The following EHMT1 variants were observed in gnomAD, a reference collection of about 807,000 sequenced individuals.
EHMT1 encodes the protein histone-lysine N-methyltransferase EHMT1.
A neutral mutation model predicts 147.2 loss-of-function variants in EHMT1; 15 were observed. The observed-to-expected ratio is 0.10, with a 90% CI of 0.07 to 0.16. The LOEUF (loss-of-function observed/expected upper bound fraction) is 0.16. Ranked by LOEUF, EHMT1 falls within the 10% of genes least tolerant of loss-of-function variation. EHMT1 has a pLI of 1.00. For synonymous variants in EHMT1, 795 were observed against 709.6 expected (o/e 1.12, Z -1.91); for missense variants, 1,587 against 1,772.4 (o/e 0.90, Z 1.88).
At chr9:137,634,786 T>C (rs1434517034) in intron 1 of EHMT1, among the ~76,000 whole-genome samples, 1 of 148,448 alleles carries the variant, frequency 6.7e-6, no homozygotes, top group South Asian at 2.2e-4. Flanking sequence ...CACTGCAACC[T>C]CTGCCTTCCA....
At chr9:137,663,010 T>G (rs1045317676) in intron 1 of EHMT1, among the ~76,000 whole-genome samples, 6 of 151,958 alleles carry the variant, frequency 3.9e-5, no homozygotes, top group Non-Finnish European at 8.8e-5. Flanking sequence ...GCCAGGCTGG[T>G]CTCGAACTCC....
At chr9:137,821,519 A>G (rs1367611122) in intron 25 of EHMT1, among the ~76,000 whole-genome samples, 1 of 151,608 alleles carries the variant, frequency 6.6e-6, no homozygotes, top group Admixed American at 6.6e-5. Flanking sequence ...TTTTATAGAG[A>G]TGGAATCTCA....
chr9:137,694,742 G>A (rs1943256160), intron 1 of EHMT1, among the ~76,000 whole-genome samples: 1 of 152,226 alleles, frequency 6.6e-6, no homozygotes, highest in Non-Finnish European at 1.5e-5. Flanking sequence ...GTTAGCAGGA[G>A]GCTGGCGAGC....
chr9:137,623,500 C>T (rs141456843), intron 1 of EHMT1, among the ~76,000 whole-genome samples: 1,587 of 152,020 alleles, frequency 0.01, 21 homozygotes, highest in African/African-American at 0.036. Context: ...CTGCAGCCTC[C>T]GCCTCCTGGG....
At chr9:137,728,321 A>T (rs762106111) in intron 3 of EHMT1, 28 bp from the exon 4 acceptor site, 1 of 1,613,978 alleles carries the variant, frequency 6.2e-7, no homozygotes, top group Non-Finnish European at 8.5e-7. Flanking sequence ...TTATGCAGTT[A>T]TAGTTATTCA....
At chr9:137,715,419 C>A in intron 2 of EHMT1, 1 of 397,790 alleles carries the variant, frequency 2.5e-6, no homozygotes, top group Non-Finnish European at 3.4e-6. Context: ...GGTAAACAGA[C>A]AGGGCATTTG....
intron 18 of EHMT1, among the ~76,000 whole-genome samples, chr9:137,801,449 G>A (rs1953481188): frequency 6.6e-6 from 1 of 152,170 alleles, no homozygotes; most frequent in Non-Finnish European, 1.5e-5. Flanking sequence ...CGCCTCCCCA[G>A]TAGCTGGGAT....
intron 7 of EHMT1, 133 bp from the exon 8 acceptor site, chr9:137,754,038 G>A (rs1341130590): frequency 1.4e-5 from 21 of 1,478,438 alleles, no homozygotes; most frequent in Non-Finnish European, 1.9e-5. Context: ...ATGTCTACAA[G>A]TTAAGTTCAC....
At position 137,800,687 on chromosome 9, in the gene EHMT1, G is replaced by A. The variant is rs111893207; in HGVS notation, c.2608-193G>A. 0.032 allele frequency: 19,198 copies of A among 608,192 alleles called. 353 individuals are homozygous for A. The highest frequency in any genetic ancestry group is 0.073 in the Middle Eastern group (166 of 2,262). 37.7% of individuals were successfully genotyped at this position (608,192 alleles called of 1,614,324 possible). A position where few individuals can be genotyped will look rare whatever the true frequency, so the allele number is the denominator to read the frequency against. On this transcript the variant is annotated intron_variant, in intron 17 of 26. Transcript: ENST00000460843. ...AGTCCTGGTTCTGCCTTCATCCTGC[G>A]CTTGTGGAGCTACCTGGGCTGTGCT...
At position 137,774,427 on chromosome 9, in the gene EHMT1, G is replaced by T. The variant is rs944409848; in HGVS notation, c.1648-682G>T. On this transcript the variant is annotated intron_variant, in intron 10 of 26. Transcript: ENST00000460843. ...CGCGTCTGACCCCCTGGATCTGGTG[G>T]GTGTGGGCACGCCTGGCCCCCTGGA... is the stretch of plus-strand genomic sequence containing the variant. Among the ~76,000 whole-genome samples, 9 of 150,018 alleles carry T rather than the reference G, an allele frequency of 6.0e-5. No individual in the cohort carries two copies. In the East Asian group the frequency reaches 1.8e-3, roughly 30 times the overall value.
At chr9:137,784,598 G>C (rs1234731681) in intron 15 of EHMT1, 1 of 244,384 alleles carries the variant, frequency 4.1e-6, no homozygotes, top group Non-Finnish European at 6.6e-6. Context: ...TTTTGCCCCA[G>C]TGGTTCCTGT....
rs146847229 is a variant in EHMT1 at position 137,701,460 on chromosome 9, T to C, written c.22-9507T>C. Among the ~76,000 whole-genome samples the C allele has an allele frequency of 5.3e-5, 8 of 151,760 alleles. No homozygotes were observed. The East Asian group carries it at 1.5e-3, about 29-fold the overall frequency. On this transcript the variant is annotated intron_variant, in intron 1 of 26. Transcript: ENST00000460843. ...CACCACACCTGGCTAATTTTTATTT[T>C]ATTTTATTTTATTTTGACGTGCAGT...
rs1476562187 is a variant in EHMT1 at position 137,835,820 on chromosome 9, G to A, written c.*867G>A. On this transcript the variant is annotated 3_prime_UTR_variant, in exon 27 of 27. Coordinates refer to ENST00000460843, the MANE Select transcript of EHMT1 (RefSeq NM_024757.5). ...GTATAAAGAGAACAAAGTGATTTTAGAATAAAATGCAGGAAAAACTTTTTT... is the reference window on the plus strand; with the variant it reads ...GTATAAAGAGAACAAAGTGATTTTAAAATAAAATGCAGGAAAAACTTTTTT... 1 of 152,558 alleles carries A rather than the reference G, an allele frequency of 6.6e-6. No individual in the cohort carries two copies. The highest frequency in any genetic ancestry group is 1.9e-4 in the East Asian group (1 of 5,204). 9.5% of individuals were successfully genotyped at this position (152,558 alleles called of 1,614,324 possible).
At chr9:137,760,820 T>C (rs950428458) in intron 9 of EHMT1, among the ~76,000 whole-genome samples, 1 of 152,100 alleles carries the variant, frequency 6.6e-6, no homozygotes, top group Non-Finnish European at 1.5e-5. Flanking sequence ...CCATCCTGGC[T>C]AACACAGTGA....
At chr9:137,633,810 T>A (rs1843782838) in intron 1 of EHMT1, among the ~76,000 whole-genome samples, 1 of 151,056 alleles carries the variant, frequency 6.6e-6, no homozygotes, top group African/African-American at 2.5e-5. Flanking sequence ...GTGGGCTGTC[T>A]TTTCACTTTC....
intron 2 of EHMT1, 73 bp downstream of exon 2, chr9:137,711,103 C>CT: frequency 6.9e-7 from 1 of 1,455,638 alleles, no homozygotes; most frequent in Admixed American, 2.0e-5. Context: ...CTCTTCCTCT[C>CT]TTATTAGTCC....
chr9:137,802,756 C>A, intron 18 of EHMT1: 1 of 1,190,540 alleles, frequency 8.4e-7, no homozygotes, highest in Non-Finnish European at 1.1e-6. Flanking sequence ...AGTGACTGGT[C>A]CTGAGCTGCA....
chr9:137,789,249 C>G (rs957372087), intron 15 of EHMT1: 1 of 152,486 alleles, frequency 6.6e-6, no homozygotes, highest in African/African-American at 2.4e-5. Flanking sequence ...GTCAGCCCCT[C>G]CTGCCCTTGC....
chr9:137,758,845 C>T (rs771406417), intron 9 of EHMT1, among the ~76,000 whole-genome samples: 1 of 152,028 alleles, frequency 6.6e-6, no homozygotes, highest in Non-Finnish European at 1.5e-5. Context: ...TAGGCTAGTC[C>T]GGCTGGGCGC....
Sources: gnomAD v4.1 joint callset for allele counts (sites outside exome capture counted in the v4.1 genomes callset) on GRCh38, gnomAD v4.1.1 for gene constraint, MANE v1.5 for transcripts, NCBI Gene and HGNC (gene_info 2026-07-23, HGNC 2026-07-21) for gene names.